The following LTBP1 variants were observed in gnomAD, a reference collection of about 807,000 sequenced individuals.
LTBP1 encodes the protein latent transforming growth factor beta binding protein 1, also known as latent-transforming growth factor beta-binding protein 1.
In LTBP1, 129 loss-of-function variants were observed where a neutral mutation model predicts 207.6. The ratio of observed to expected loss-of-function variants is 0.62; its 90% confidence interval spans 0.54 to 0.72. The LOEUF (loss-of-function observed/expected upper bound fraction) is 0.72, where lower values mean the gene tolerates loss of function less well. LTBP1 is among the 30% of genes least tolerant of loss of function. The pLI, the probability that LTBP1 is intolerant of heterozygous loss-of-function variation, is 0.00. For synonymous variants in LTBP1, 963 were observed against 833.7 expected, an observed-to-expected ratio of 1.16 and a Z score of -2.67; for missense variants, 2,281 against 2,217.2, an observed-to-expected ratio of 1.03 and a Z score of -0.58.
chr2:33,009,149 A>T (rs1019872325), intron 2 of LTBP1, among the ~76,000 whole-genome samples: 3 of 152,106 alleles, frequency 2.0e-5, no homozygotes, highest in African/African-American at 7.2e-5. Flanking sequence ...GTGAGAATAG[A>T]CTGCAGGGGA....
At chr2:33,019,934 A>G (rs1309786157) in intron 2 of LTBP1, among the ~76,000 whole-genome samples, 1 of 142,416 alleles carries the variant, frequency 7.0e-6, no homozygotes, top group Non-Finnish European at 1.5e-5. Flanking sequence ...GGCTAATCTC[A>G]AACTCCTGGG....
At chr2:33,375,233 C>T (rs2095122313) in intron 31 of LTBP1, among the ~76,000 whole-genome samples, 1 of 152,098 alleles carries the variant, frequency 6.6e-6, no homozygotes, top group Non-Finnish European at 1.5e-5. Flanking sequence ...ACAGTAAATG[C>T]GCCATAGCGA....
At chr2:33,371,192 C>A (rs1474257718) in intron 31 of LTBP1, among the ~76,000 whole-genome samples, 1 of 152,156 alleles carries the variant, frequency 6.6e-6, no homozygotes, top group Non-Finnish European at 1.5e-5. Flanking sequence ...ACTACAGAGG[C>A]CAGACCGCAG....
At chr2:33,203,764 G>A (rs1260562681) in intron 7 of LTBP1, among the ~76,000 whole-genome samples, 4 of 152,102 alleles carry the variant, frequency 2.6e-5, no homozygotes, top group Non-Finnish European at 4.4e-5. Flanking sequence ...ATAGGAATAA[G>A]CATTGAAAAT....
intron 3 of LTBP1, among the ~76,000 whole-genome samples, chr2:33,094,494 T>C (rs963111988): frequency 1.3e-5 from 2 of 152,216 alleles, no homozygotes; most frequent in African/African-American, 4.8e-5. Flanking sequence ...CTGGACTAGG[T>C]GATTTCCTAA....
At chr2:33,175,150 G>A (rs2085896181) in intron 5 of LTBP1, among the ~76,000 whole-genome samples, 1 of 151,328 alleles carries the variant, frequency 6.6e-6, no homozygotes, top group Non-Finnish European at 1.5e-5. Flanking sequence ...AGCCAGAATT[G>A]ACAAATGGGA....
intron 4 of LTBP1, among the ~76,000 whole-genome samples, chr2:33,121,078 T>C (rs2081080329): frequency 6.6e-6 from 1 of 151,750 alleles, no homozygotes; most frequent in African/African-American, 2.4e-5. Flanking sequence ...TTCTGACCAC[T>C]TAAATACATT....
intron 19 of LTBP1, 102 bp downstream of exon 19, chr2:33,280,260 A>T (rs2093533283): frequency 1.4e-5 from 17 of 1,223,196 alleles, no homozygotes; most frequent in Non-Finnish European, 1.7e-5. Context: ...AAAATGAAAA[A>T]ATGAAATCTT....
intron 24 of LTBP1, among the ~76,000 whole-genome samples, chr2:33,331,572 A>G (rs1185083845): frequency 6.6e-6 from 1 of 152,168 alleles, no homozygotes; most frequent in Non-Finnish European, 1.5e-5. Context: ...TGGCCAGAGA[A>G]TATACTCTAA....
intron 3 of LTBP1, among the ~76,000 whole-genome samples, chr2:33,023,941 G>C: frequency 6.6e-6 from 1 of 152,300 alleles, no homozygotes; most frequent in Non-Finnish European, 1.5e-5. Context: ...TTCAGGTTTT[G>C]TGTTTAACCA....
intron 3 of LTBP1, among the ~76,000 whole-genome samples, chr2:33,054,967 T>A (rs1032845842): frequency 6.6e-6 from 1 of 152,196 alleles, no homozygotes; most frequent in African/African-American, 2.4e-5. Context: ...CAGTCTTTTT[T>A]AAGGTGTCCT....
chr2:33,085,010 T>G (rs2078668327), intron 3 of LTBP1, among the ~76,000 whole-genome samples: 1 of 152,222 alleles, frequency 6.6e-6, no homozygotes, highest in African/African-American at 2.4e-5. Flanking sequence ...ATCATCCTGA[T>G]GTAACCATGT....
At chr2:33,395,003 T>C (rs112704252) in intron 32 of LTBP1, among the ~76,000 whole-genome samples, 17,625 of 152,242 alleles carry the variant, frequency 0.12, 1,201 homozygotes, top group Non-Finnish European at 0.15. Context: ...CATTATCTCA[T>C]TCTTTTTTAT....
chr2:33,224,124 A>G (rs186564567), intron 9 of LTBP1, among the ~76,000 whole-genome samples: 9 of 152,294 alleles, frequency 5.9e-5, no homozygotes, highest in Admixed American at 5.9e-4. Flanking sequence ...TGTTCAGGAT[A>G]AAAATACTCT....
At position 33,300,995 on chromosome 2, in the gene LTBP1, T is replaced by TA. The variant is rs200156066; in HGVS notation, c.3358+429dup. Reference sequence around the variant, plus strand: ...TTTAACGTTGAAAAATTTTGTCTTTTAAAAAAATCGCTAAAGAAGATTTCT... The same window carrying TA: ...TTTAACGTTGAAAAATTTTGTCTTTTAAAAAAAATCGCTAAAGAAGATTTCT... On this transcript the variant is annotated intron_variant, in intron 21 of 33. Transcript: ENST00000404816. Among the ~76,000 whole-genome samples the TA allele has an allele frequency of 6.0e-3, 910 of 152,322 alleles. 8 individuals carry two copies. The highest frequency in any genetic ancestry group is 0.021 in the African/African-American group (877 of 41,562).
chr2:32,950,698 G>A (rs946305005), intron 2 of LTBP1, among the ~76,000 whole-genome samples: 13 of 152,156 alleles, frequency 8.5e-5, no homozygotes, highest in African/African-American at 2.9e-4. Context: ...GCTGGGCGAT[G>A]CAGAGAGACT....
chr2:33,334,148 A>G (rs1387786129), intron 24 of LTBP1, among the ~76,000 whole-genome samples: 2 of 152,252 alleles, frequency 1.3e-5, no homozygotes, highest in African/African-American at 4.8e-5. Context: ...CCACTCAAGA[A>G]TGAATGAGAA....
At chr2:32,998,387 G>T (rs1412703237) in intron 2 of LTBP1, among the ~76,000 whole-genome samples, 1 of 151,290 alleles carries the variant, frequency 6.6e-6, no homozygotes, top group African/African-American at 2.4e-5. Context: ...ATGGTGGCAG[G>T]CGCCTGTAAT....
intron 24 of LTBP1, among the ~76,000 whole-genome samples, chr2:33,323,928 T>C (rs988847922): frequency 6.6e-6 from 1 of 152,210 alleles, no homozygotes; most frequent in South Asian, 2.1e-4. Flanking sequence ...CTACATGGGC[T>C]TGAACTCTTG....
Sources: gnomAD v4.1 joint callset for allele counts (sites outside exome capture counted in the v4.1 genomes callset) on GRCh38, gnomAD v4.1.1 for gene constraint, MANE v1.5 for transcripts, NCBI Gene and HGNC (gene_info 2026-07-23, HGNC 2026-07-21) for gene names.